Variants in ARHGEF10L observed in about 807,000 individuals in gnomAD.
ARHGEF10L encodes the protein Rho guanine nucleotide exchange factor 10 like, also known as rho guanine nucleotide exchange factor 10-like protein.
Under a neutral mutation model 141.2 loss-of-function variants are expected in ARHGEF10L, and 69 were observed. The ratio of observed to expected loss-of-function variants is 0.49; its 90% CI spans 0.40 to 0.60. The LOEUF (loss-of-function observed/expected upper bound fraction) is 0.60, where lower values mean the gene tolerates loss of function less well. ARHGEF10L is among the 20% of genes least tolerant of loss of function. The pLI is 0.00. For missense variants in ARHGEF10L, 1,482 were observed against 1,734.3 expected (o/e 0.85, Z 2.58); for synonymous variants, 711 against 718.5 (o/e 0.99, Z 0.17).
chr1:17,592,541 G>C (rs1193342), intron 4 of ARHGEF10L, among the ~76,000 whole-genome samples: 152,001 of 152,240 alleles, frequency 1, 75,882 homozygotes, highest in Non-Finnish European at 1. Context: ...GAGGATCAGG[G>C]CAAGAGGAGA....
At chr1:17,583,526 G>C (rs755564429) in intron 2 of ARHGEF10L, among the ~76,000 whole-genome samples, 9 of 152,186 alleles carry the variant, frequency 5.9e-5, no homozygotes, top group Non-Finnish European at 1.2e-4. Context: ...CAACAACCCT[G>C]TGAGGTAGTT....
At chr1:17,695,817 G>C (rs572708020) in intron 28 of ARHGEF10L, among the ~76,000 whole-genome samples, 1 of 152,162 alleles carries the variant, frequency 6.6e-6, no homozygotes, top group Non-Finnish European at 1.5e-5. Flanking sequence ...GATGACTGTG[G>C]TCTTTTCCAG....
At chr1:17,527,866 TTTTC>T in the ARHGEF10L span, among the ~76,000 whole-genome samples, 1,064 of 32,880 alleles carry the variant, frequency 0.032, 10 homozygotes, top group African/African-American at 0.07. Flanking sequence ...TCTTTCTTTC[TTTTC>T]TTTTTTTTTT....
chr1:17,521,831 G>T, the ARHGEF10L span, among the ~76,000 whole-genome samples: 4,256 of 152,186 alleles, frequency 0.028, 201 homozygotes, highest in African/African-American at 0.096. Flanking sequence ...TGCCTGTCAT[G>T]GTGAAGCTGA....
the ARHGEF10L span, among the ~76,000 whole-genome samples, chr1:17,523,237 C>A: frequency 6.6e-6 from 1 of 151,940 alleles, no homozygotes; most frequent in Non-Finnish European, 1.5e-5. Flanking sequence ...AGGTGCCCAC[C>A]ACCACCACGC....
At chr1:17,593,578 G>A (rs2079790626) in intron 4 of ARHGEF10L, among the ~76,000 whole-genome samples, 1 of 152,060 alleles carries the variant, frequency 6.6e-6, no homozygotes, top group Non-Finnish European at 1.5e-5. Context: ...TGTGACCAAG[G>A]AATGCAGGTG....
chr1:17,678,379 T>A (rs184700526), intron 26 of ARHGEF10L, among the ~76,000 whole-genome samples: 2 of 151,800 alleles, frequency 1.3e-5, no homozygotes, highest in East Asian at 1.9e-4. Context: ...TCTATTCCAC[T>A]TCCTCCAGAA....
the ARHGEF10L span, among the ~76,000 whole-genome samples, chr1:17,516,567 C>A: frequency 6.6e-6 from 1 of 152,192 alleles, no homozygotes; most frequent in African/African-American, 2.4e-5. Context: ...GTGGAAGGCC[C>A]GGGTCAGCCT....
Position 17,687,706 on chromosome 1 carries a change from A to G in ARHGEF10L, c.3143A>G (p.Gln1048Arg). ...CACACTGAGACCCTGGAGCATCTGC[A>G]AGAGATCAACATCGCCACCAGGACC... ...LFHTETLEHL[Q>R]EINIATRTTF... is the part of the protein sequence containing the mutation. Residue 1048 changes from glutamine to arginine, a missense_variant, in exon 27 of 29, where the codon CAA (glutamine) becomes CGA (arginine). By Grantham distance (43) the Gln-to-Arg change is conservative. Coordinates refer to ENST00000361221, the MANE Select transcript of ARHGEF10L (RefSeq NM_018125.4). 1 of 1,602,876 alleles carries G rather than the reference A, an allele frequency of 6.2e-7. No individual in the cohort carries two copies. The highest frequency in any genetic ancestry group is 8.5e-7 in the Non-Finnish European group (1 of 1,173,594).
At chr1:17,670,369 T>G (rs1164068936) in intron 26 of ARHGEF10L, among the ~76,000 whole-genome samples, 1 of 152,266 alleles carries the variant, frequency 6.6e-6, no homozygotes, top group Non-Finnish European at 1.5e-5. Flanking sequence ...TAAATAATAA[T>G]GTCGCTCACC....
intron 4 of ARHGEF10L, among the ~76,000 whole-genome samples, chr1:17,592,066 G>A (rs1215624765): frequency 6.6e-6 from 1 of 152,118 alleles, no homozygotes; most frequent in Non-Finnish European, 1.5e-5. Flanking sequence ...TCTGAAGCAC[G>A]TGCACTCATG....
At chr1:17,570,104 G>C (rs2077931642) in intron 1 of ARHGEF10L, among the ~76,000 whole-genome samples, 1 of 152,242 alleles carries the variant, frequency 6.6e-6, no homozygotes, top group Non-Finnish European at 1.5e-5. Flanking sequence ...CCCGACTTGG[G>C]ACGAGGGATT....
At position 17,596,385 on chromosome 1, in the gene ARHGEF10L, G is replaced by A. The variant is rs138477902; in HGVS notation, c.258-5742G>A. 1.1e-3 allele frequency among the ~76,000 whole-genome samples: 170 copies of A among 152,326 alleles called. No individual in the cohort carries two copies. The South Asian group carries it at 0.015, about 14-fold the overall frequency. On this transcript the variant is annotated intron_variant, in intron 4 of 28. Transcript: ENST00000361221. ...CGAGGCGGGCGGTGACACTGTGTGG[G>A]GCTGTCCTACGCAAACTCTCCTGTC...
At chr1:17,682,615 C>T (rs539951872) in intron 26 of ARHGEF10L, among the ~76,000 whole-genome samples, 7 of 152,334 alleles carry the variant, frequency 4.6e-5, no homozygotes, top group South Asian at 2.1e-4. Flanking sequence ...TGTTTGCAGA[C>T]GGCTGCTCTA....
intron 26 of ARHGEF10L, among the ~76,000 whole-genome samples, chr1:17,677,789 G>T (rs966520158): frequency 1.3e-5 from 2 of 152,220 alleles, no homozygotes; most frequent in African/African-American, 2.4e-5. Flanking sequence ...GTGGGGTCAG[G>T]AGCTGAACCC....
At chr1:17,660,779 A>G (rs71644063) in intron 25 of ARHGEF10L, among the ~76,000 whole-genome samples, 18,382 of 152,160 alleles carry the variant, frequency 0.12, 1,392 homozygotes, top group Non-Finnish European at 0.16. Context: ...GCTGTCATAC[A>G]GGGGCAGGCT....
At chr1:17,614,128 C>T (rs1557825795) in intron 8 of ARHGEF10L, among the ~76,000 whole-genome samples, 1 of 152,244 alleles carries the variant, frequency 6.6e-6, no homozygotes, top group Non-Finnish European at 1.5e-5. Flanking sequence ...GGGATTCCAA[C>T]TTGGGTCTGC....
intron 2 of ARHGEF10L, among the ~76,000 whole-genome samples, chr1:17,584,108 A>G (rs886814321): frequency 6.6e-6 from 1 of 152,090 alleles, no homozygotes; most frequent in African/African-American, 2.4e-5. Flanking sequence ...GCAGTGGCAC[A>G]ATCATGGCTC....
chr1:17,669,130 A>G (rs1571407376), intron 26 of ARHGEF10L, among the ~76,000 whole-genome samples: 1 of 152,206 alleles, frequency 6.6e-6, no homozygotes. Context: ...GCTGGCAGCC[A>G]TGTGGCAGAA....
Sources: gnomAD v4.1 joint callset for allele counts (sites outside exome capture counted in the v4.1 genomes callset) on GRCh38, gnomAD v4.1.1 for gene constraint, MANE v1.5 for transcripts, NCBI Gene and HGNC (gene_info 2026-07-23, HGNC 2026-07-21) for gene names.